The following PRKN variants were observed in gnomAD, a reference collection of about 807,000 sequenced individuals.
PRKN encodes the protein parkin RBR E3 ubiquitin protein ligase, also known as E3 ubiquitin-protein ligase parkin.
Under a neutral mutation model 59.5 loss-of-function variants are expected in PRKN, and 56 were observed. That is an observed-to-expected ratio of 0.94 (90% CI 0.76 to 1.18). PRKN has a LOEUF of 1.18. Among genes scored for constraint, PRKN ranks in the 50% most tolerant of loss-of-function variants. PRKN has a pLI of 0.00. For missense variants in PRKN, 657 were observed against 596.4 expected (o/e 1.10, Z -1.06); for synonymous variants, 250 against 222.1 (o/e 1.13, Z -1.12).
chr6:162,422,954 CAAAAAA>C (rs61557917), intron 2 of PRKN, among the ~76,000 whole-genome samples: 6 of 65,702 alleles, frequency 9.1e-5, no homozygotes, highest in African/African-American at 2.2e-4. Flanking sequence ...TCCAAGAGAC[CAAAAAA>C]AAAAAAAAAA....
intron 2 of PRKN, among the ~76,000 whole-genome samples, chr6:162,308,306 G>C (rs1340134663): frequency 6.6e-6 from 1 of 151,882 alleles, no homozygotes; most frequent in Non-Finnish European, 1.5e-5. Flanking sequence ...AATAGAAGGG[G>C]AAAAAAAACT....
intron 1 of PRKN, among the ~76,000 whole-genome samples, chr6:162,448,881 C>G (rs1790451811): frequency 7.0e-6 from 1 of 143,018 alleles, no homozygotes; most frequent in Non-Finnish European, 1.5e-5. Flanking sequence ...TTTCCTCTCT[C>G]TCTCTCTCCC....
At chr6:161,531,781 T>C (rs1238986638) in intron 9 of PRKN, among the ~76,000 whole-genome samples, 1 of 152,134 alleles carries the variant, frequency 6.6e-6, no homozygotes, top group Non-Finnish European at 1.5e-5. Context: ...AACCTGAATA[T>C]CAGACATGCG....
In PRKN at chr6:161,538,162, T is replaced by C. The variant is rs477943; in HGVS notation, c.1083+10692A>G. 0.012 allele frequency among the ~76,000 whole-genome samples: 1,773 copies of C among 152,266 alleles called. 29 individuals are homozygous for C. Among genetic ancestry groups the C allele is most frequent in the East Asian group, 0.059 (307 of 5,168 alleles). On this transcript the variant is annotated intron_variant, in intron 9 of 11. Coordinates refer to ENST00000366898, the MANE Select transcript of PRKN (RefSeq NM_004562.3). The surrounding 1 kb of genome is among the most constrained non-coding windows in gnomAD (Gnocchi z 4.2). ...TTTGGAAGTGCAGCAATAGGCCCGC[T>C]TGACAAATTACCTCCTAGAGTGCAA...
chr6:162,546,791 C>CAGAA (rs1779139152), intron 1 of PRKN, among the ~76,000 whole-genome samples: 1 of 152,120 alleles, frequency 6.6e-6, no homozygotes, highest in Non-Finnish European at 1.5e-5. Context: ...TTTCACCTAA[C>CAGAA]AGAAGCAAAA....
At chr6:162,251,606 G>T (rs1050975077) in intron 3 of PRKN, among the ~76,000 whole-genome samples, 6 of 151,914 alleles carry the variant, frequency 3.9e-5, no homozygotes, top group African/African-American at 2.4e-5. Context: ...CCAAATATTC[G>T]AAATAAAAAT....
chr6:162,710,729 A>G (rs1308343596), intron 1 of PRKN, among the ~76,000 whole-genome samples: 1 of 152,112 alleles, frequency 6.6e-6, no homozygotes, highest in Non-Finnish European at 1.5e-5. Context: ...CCACTATAAT[A>G]GCATCACCTG....
At chr6:161,999,148 CT>C (rs1356098693) in intron 5 of PRKN, among the ~76,000 whole-genome samples, 2 of 152,096 alleles carry the variant, frequency 1.3e-5, no homozygotes, top group East Asian at 3.9e-4. Context: ...CTATAAACCC[CT>C]CTTCACACCT....
chr6:162,394,280 T>G (rs759967736), intron 2 of PRKN, among the ~76,000 whole-genome samples: 2 of 152,144 alleles, frequency 1.3e-5, no homozygotes, highest in Non-Finnish European at 2.9e-5. Flanking sequence ...CTGGGCAAAG[T>G]GAGAGCGTTC....
At chr6:161,855,590 A>G (rs549046961) in intron 6 of PRKN, among the ~76,000 whole-genome samples, 1 of 122,962 alleles carries the variant, frequency 8.1e-6, no homozygotes, top group South Asian at 3.0e-4. Context: ...ACTATTGTTC[A>G]CTTTCATACT....
At chr6:162,385,487 C>G (rs1157216576) in intron 2 of PRKN, among the ~76,000 whole-genome samples, 1 of 152,158 alleles carries the variant, frequency 6.6e-6, no homozygotes, top group Non-Finnish European at 1.5e-5. Context: ...TTACTGCTCC[C>G]TTTGATATGT....
At chr6:161,612,803 C>T (rs1253232361) in intron 7 of PRKN, among the ~76,000 whole-genome samples, 2 of 149,372 alleles carry the variant, frequency 1.3e-5, no homozygotes, top group African/African-American at 4.9e-5. Context: ...GATGAGAGCA[C>T]ATTTGTTTAC....
chr6:161,826,341 T>A (rs1417444311), intron 6 of PRKN, among the ~76,000 whole-genome samples: 2 of 152,180 alleles, frequency 1.3e-5, no homozygotes, highest in Non-Finnish European at 2.9e-5. Context: ...AGCATAAAAA[T>A]GAGCTTTATT....
chr6:162,200,201 T>TTCTC (rs1455941905), intron 4 of PRKN, among the ~76,000 whole-genome samples: 1 of 152,126 alleles, frequency 6.6e-6, no homozygotes, highest in Non-Finnish European at 1.5e-5. Context: ...CGTGTCTGTG[T>TTCTC]TCTCTCCACC....
chr6:162,235,965 G>GAAAGAAAGAAAGAAAGAAAGAAAGA (rs1778665019), intron 3 of PRKN, among the ~76,000 whole-genome samples: 1 of 93,608 alleles, frequency 1.1e-5, no homozygotes, highest in African/African-American at 5.0e-5. Flanking sequence ...AAGGAAGAAA[G>GAAAGAAAGAAAGAAAGAAAGAAAGA]AAAGAAAGAA....
chr6:161,848,027 C>A (rs1190202440), intron 6 of PRKN, among the ~76,000 whole-genome samples: 1 of 152,156 alleles, frequency 6.6e-6, no homozygotes, highest in African/African-American at 2.4e-5. Flanking sequence ...ACCGCCTTAT[C>A]TTACAAGTGA....
At chr6:161,706,072 C>T (rs1786478667) in intron 7 of PRKN, among the ~76,000 whole-genome samples, 1 of 151,928 alleles carries the variant, frequency 6.6e-6, no homozygotes, top group Non-Finnish European at 1.5e-5. Flanking sequence ...CGCTGTTCCA[C>T]ACATTGCAGC....
At chr6:162,583,141 CA>C (rs1562407124) in intron 1 of PRKN, among the ~76,000 whole-genome samples, 1 of 152,182 alleles carries the variant, frequency 6.6e-6, no homozygotes. Context: ...TACAAGGTGC[CA>C]CCTTGGAAGA....
At position 162,123,359 on chromosome 6, in the gene PRKN, AAAGGT is replaced by A. The variant is rs1780995212; in HGVS notation, c.535-69190_535-69186del. On this transcript the variant is annotated intron_variant, in intron 4 of 11. Coordinates refer to ENST00000366898, the MANE Select transcript of PRKN (RefSeq NM_004562.3). ...CTCCAAACAGATTATGGCTGAAGGA[AAAGGT>A]AATAGAAGAGGAACTGTAGAAAAGA... is the stretch of plus-strand genomic sequence containing the variant. 4.6e-5 allele frequency among the ~76,000 whole-genome samples: 7 copies of A among 152,334 alleles called. No homozygotes were observed. The South Asian group carries it at 1.5e-3, about 32-fold the overall frequency.
Sources: allele counts gnomAD v4.1 joint callset (sites outside exome capture counted in the v4.1 genomes callset), GRCh38; gene constraint gnomAD v4.1.1; non-coding constraint Gnocchi (gnomAD v3.1); transcripts MANE v1.5; gene names NCBI Gene and HGNC (gene_info 2026-07-23, HGNC 2026-07-21).